The following FARP1 variants were observed in gnomAD, a reference collection of about 807,000 sequenced individuals.
FARP1 encodes the protein FERM, ARHGEF and pleckstrin domain-containing protein 1.
A neutral mutation model predicts 128.8 loss-of-function variants in FARP1; 52 were observed. The observed-to-expected ratio is 0.40, with a 90% CI of 0.32 to 0.51. The LOEUF (loss-of-function observed/expected upper bound fraction) is 0.51. FARP1 is among the 20% of genes least tolerant of loss of function. The pLI is 0.45. For synonymous variants in FARP1, 580 were observed against 551.8 expected (o/e 1.05, Z -0.72); for missense variants, 1,333 against 1,367.9 (o/e 0.97, Z 0.40).
chr13:98,448,376 T>C lies in FARP1; in HGVS notation c.*59T>C. The C allele has an allele frequency of 7.6e-7, 1 of 1,309,604 alleles. No individual in the cohort carries two copies. The highest frequency in any genetic ancestry group is 1.1e-6 in the Non-Finnish European group (1 of 902,784). The allele number at this position is 1,309,604 out of a possible 1,614,324, so 81.1% of individuals were successfully genotyped here. A position where few individuals can be genotyped will look rare whatever the true frequency, so the allele number is the denominator to read the frequency against. On this transcript the variant is annotated 3_prime_UTR_variant, in exon 27 of 27. Transcript: ENST00000319562. ...TTCCTGGAAGACGTTTCCTTTCTTC[T>C]GTATTAATGAAGCCTGGTAAAATTA...
chr13:98,228,477 G>C (rs987416746), intron 2 of FARP1, among the ~76,000 whole-genome samples: 23 of 151,900 alleles, frequency 1.5e-4, no homozygotes, highest in Admixed American at 2.6e-4. Context: ...TTGGAAACTA[G>C]TTAAATTAGC....
At chr13:98,406,001 G>A (rs1424709675) in intron 13 of FARP1, 3 of 152,170 alleles carry the variant, frequency 2.0e-5, no homozygotes, top group African/African-American at 7.2e-5. Context: ...ATGTTTGTTT[G>A]CTTTTTTGTA....
chr13:98,313,317 C>T (rs1886573222), intron 2 of FARP1, among the ~76,000 whole-genome samples: 1 of 150,744 alleles, frequency 6.6e-6, no homozygotes, highest in African/African-American at 2.4e-5. Context: ...CCCCCAAACA[C>T]ACACACACAC....
intron 2 of FARP1, among the ~76,000 whole-genome samples, chr13:98,229,488 CATAAT>C (rs10586470): frequency 0.31 from 46,328 of 151,156 alleles, 7,538 homozygotes; most frequent in Middle Eastern, 0.49. Context: ...ACATTAATAA[CATAAT>C]CTCAGATTTC....
intron 2 of FARP1, among the ~76,000 whole-genome samples, chr13:98,229,997 A>G (rs1329266108): frequency 2.6e-5 from 4 of 152,216 alleles, no homozygotes; most frequent in Non-Finnish European, 5.9e-5. Flanking sequence ...TCAAGTTGTG[A>G]TGGTATAAAC....
At chr13:98,413,615 G>A (rs1376104391) in intron 16 of FARP1, among the ~76,000 whole-genome samples, 1 of 152,214 alleles carries the variant, frequency 6.6e-6, no homozygotes, top group Non-Finnish European at 1.5e-5. Context: ...AGCTATGACT[G>A]TGCCACTGCA....
At chr13:98,309,725 G>A (rs180818869) in intron 2 of FARP1, among the ~76,000 whole-genome samples, 69 of 152,320 alleles carry the variant, frequency 4.5e-4, no homozygotes, top group Admixed American at 2.7e-3. Context: ...AGCAAACGCC[G>A]TCAAGGCACT....
chr13:98,330,271 G>A (rs1015319345), intron 2 of FARP1, among the ~76,000 whole-genome samples: 3 of 152,126 alleles, frequency 2.0e-5, no homozygotes, highest in African/African-American at 7.2e-5. Flanking sequence ...TTTCCATTGT[G>A]AGGACTGTGG....
At chr13:98,220,861 TGA>T (rs1491209061) in intron 2 of FARP1, among the ~76,000 whole-genome samples, 12 of 151,144 alleles carry the variant, frequency 7.9e-5, no homozygotes, top group African/African-American at 2.7e-4. Context: ...ATTTTATCCC[TGA>T]AAAAAAAAAC....
At chr13:98,298,325 G>A (rs146637247) in intron 2 of FARP1, among the ~76,000 whole-genome samples, 116 of 152,248 alleles carry the variant, frequency 7.6e-4, no homozygotes, top group Middle Eastern at 3.4e-3. Context: ...CATTCGTGTC[G>A]CATAATCTGA....
chr13:98,271,646 G>A (rs1884396609), intron 2 of FARP1, among the ~76,000 whole-genome samples: 1 of 152,124 alleles, frequency 6.6e-6, no homozygotes, highest in African/African-American at 2.4e-5. Context: ...CCACTTATGA[G>A]TGAGAACGTG....
intron 2 of FARP1, among the ~76,000 whole-genome samples, chr13:98,336,916 A>G (rs1887768358): frequency 6.6e-6 from 1 of 152,224 alleles, no homozygotes. Context: ...GTTATTCCAA[A>G]ATAGAACATT....
At chr13:98,186,649 T>C (rs1218481280) in intron 1 of FARP1, among the ~76,000 whole-genome samples, 1 of 152,128 alleles carries the variant, frequency 6.6e-6, no homozygotes, top group Non-Finnish European at 1.5e-5. Flanking sequence ...ATATCCCATG[T>C]TTTGTTTATC....
Position 98,451,191 on chromosome 13 carries a change from G to C in FARP1, c.*2874G>C, listed in dbSNP as rs957906915. On this transcript the variant is annotated 3_prime_UTR_variant, in exon 27 of 27. Transcript: ENST00000319562. ...CTGTAAATCAGAAAAGCTGCTGTCCGCCCTGGCTCACTTAAAAATCAGGTA... is the reference window on the plus strand; with the variant it reads ...CTGTAAATCAGAAAAGCTGCTGTCCCCCCTGGCTCACTTAAAAATCAGGTA... The C allele has an allele frequency of 6.6e-6, 1 of 152,036 alleles. No homozygotes were observed. Among genetic ancestry groups the C allele is most frequent in the Non-Finnish European group, 1.5e-5 (1 of 68,020 alleles). The allele number at this position is 152,036 out of a possible 1,614,324, so 9.4% of individuals were successfully genotyped here. A position where few individuals can be genotyped will look rare whatever the true frequency, so the allele number is the denominator to read the frequency against.
At chr13:98,335,659 A>G (rs531325671) in intron 2 of FARP1, among the ~76,000 whole-genome samples, 1 of 152,338 alleles carries the variant, frequency 6.6e-6, no homozygotes, top group African/African-American at 2.4e-5. Context: ...GCACACTGCA[A>G]CTTGCTCGAT....
intron 2 of FARP1, among the ~76,000 whole-genome samples, chr13:98,256,949 A>ATATATATATATATATATATATATATG (rs1883630229): frequency 2.3e-4 from 5 of 21,688 alleles, no homozygotes; most frequent in Non-Finnish European, 2.1e-4. Flanking sequence ...ATATATGTGG[A>ATATATATATATATATATATATATATG]TATATATATA....
intron 2 of FARP1, among the ~76,000 whole-genome samples, chr13:98,275,717 G>A (rs1884626476): frequency 6.6e-6 from 1 of 150,804 alleles, no homozygotes; most frequent in African/African-American, 2.4e-5. Flanking sequence ...CTTTCCTGGT[G>A]AGTGGTTGAC....
In FARP1 at chr13:98,279,866, C is replaced by T. The variant is rs141627789; in HGVS notation, c.172-63896C>T. On this transcript the variant is annotated intron_variant, in intron 2 of 26. Transcript: ENST00000319562. ...GGTATGACGTAGCTCAGATTGAAGA[C>T]TTGTGGCCCCGGTACCAGGCGACGC... Among the ~76,000 whole-genome samples the T allele has an allele frequency of 3.4e-3, 524 of 152,292 alleles. 6 individuals carry two copies. Among genetic ancestry groups the T allele is most frequent in the African/African-American group, 0.012 (487 of 41,564 alleles).
At chr13:98,414,099 C>T (rs1322362554) in intron 16 of FARP1, among the ~76,000 whole-genome samples, 3 of 152,114 alleles carry the variant, frequency 2.0e-5, no homozygotes, top group Non-Finnish European at 2.9e-5. Flanking sequence ...AAATGCCGTA[C>T]GCGTGGATCT....
Sources: allele counts gnomAD v4.1 joint callset (sites outside exome capture counted in the v4.1 genomes callset), GRCh38; gene constraint gnomAD v4.1.1; transcripts MANE v1.5; gene names NCBI Gene and HGNC (gene_info 2026-07-23, HGNC 2026-07-21).